Variants in DNAH6 observed in about 807,000 individuals in gnomAD.
The protein encoded by DNAH6 is axonemal beta dynein heavy chain 6.
Under a neutral mutation model 491.4 loss-of-function variants are expected in DNAH6, and 340 were observed. The ratio of observed to expected loss-of-function variants is 0.69; its 90% confidence interval spans 0.63 to 0.76. The LOEUF (loss-of-function observed/expected upper bound fraction) is 0.76. Among genes scored for constraint, DNAH6 ranks in the 30% least tolerant of loss-of-function variants. DNAH6 has a pLI of 0.00. For missense variants in DNAH6, 4,443 were observed against 4,972.2 expected, an observed-to-expected ratio of 0.89 and a Z score of 3.20; for synonymous variants, 1,603 against 1,686.1, an observed-to-expected ratio of 0.95 and a Z score of 1.21.
upstream of DNAH6, among the ~76,000 whole-genome samples, chr2:84,513,162 T>G (rs1343259118): frequency 6.6e-6 from 1 of 152,182 alleles, no homozygotes; most frequent in Non-Finnish European, 1.5e-5. Flanking sequence ...AATTAACATC[T>G]TAATTTATAA....
At position 84,547,422 on chromosome 2, in the gene DNAH6, A is replaced by G. The variant is rs2104538742; in HGVS notation, c.1065+20A>G. 2.6e-6 allele frequency: 4 copies of G among 1,551,560 alleles called. No homozygotes were observed. Among genetic ancestry groups the G allele is most frequent in the Non-Finnish European group, 3.5e-6 (4 of 1,146,888 alleles). On this transcript the variant is annotated intron_variant, in intron 6 of 76. Coordinates refer to ENST00000389394, the MANE Select transcript of DNAH6 (RefSeq NM_001370.2). ...GCAGAGGTAACAAATTTTGTCTATAAGAATCAAAGCTTTTTTCCCTATTTT... is the reference window on the plus strand; with the variant it reads ...GCAGAGGTAACAAATTTTGTCTATAGGAATCAAAGCTTTTTTCCCTATTTT...
chr2:84,492,619 G>A, the DNAH6 span, among the ~76,000 whole-genome samples: 1 of 151,746 alleles, frequency 6.6e-6, no homozygotes, highest in Admixed American at 6.6e-5. Context: ...AATTCTTTTA[G>A]TGGGGTTTTA....
At chr2:84,680,774 G>T (rs750601674) in intron 41 of DNAH6, among the ~76,000 whole-genome samples, 2 of 151,992 alleles carry the variant, frequency 1.3e-5, no homozygotes, top group Non-Finnish European at 2.9e-5. Context: ...GGTGATGTCC[G>T]GGGAAACAGA....
At chr2:84,590,238 G>A (rs1413898262) in intron 16 of DNAH6, among the ~76,000 whole-genome samples, 3 of 152,034 alleles carry the variant, frequency 2.0e-5, no homozygotes, top group African/African-American at 7.2e-5. Flanking sequence ...GCTCACACCT[G>A]TACTCCCAGC....
At chr2:84,752,384 A>G (rs977072409) in intron 63 of DNAH6, among the ~76,000 whole-genome samples, 1 of 152,216 alleles carries the variant, frequency 6.6e-6, no homozygotes, top group African/African-American at 2.4e-5. Flanking sequence ...GAGTTACTTG[A>G]AAATGTTAAA....
chr2:84,541,500 A>G (rs1678237791), intron 4 of DNAH6, among the ~76,000 whole-genome samples: 1 of 152,224 alleles, frequency 6.6e-6, no homozygotes, highest in Non-Finnish European at 1.5e-5. Context: ...GACACACACC[A>G]TTATAAAGGA....
intron 29 of DNAH6, among the ~76,000 whole-genome samples, chr2:84,625,677 A>G (rs1687794873): frequency 6.6e-6 from 1 of 152,194 alleles, no homozygotes. Flanking sequence ...ATGTTTTTGT[A>G]AAACAAAACT....
At chr2:84,584,448 G>A in intron 15 of DNAH6, 198 bp downstream of exon 15, 2 of 578,324 alleles carry the variant, frequency 3.5e-6, no homozygotes, top group Non-Finnish European at 5.9e-6. Flanking sequence ...ATTTTTTGTG[G>A]TGAGAATAAT....
intron 15 of DNAH6, among the ~76,000 whole-genome samples, chr2:84,587,825 C>T (rs1683719025): frequency 6.6e-6 from 1 of 152,166 alleles, no homozygotes; most frequent in South Asian, 2.1e-4. Context: ...AGGGGCAGGT[C>T]ATCTGTTCTT....
chr2:84,555,854 A>C (rs931067805), intron 10 of DNAH6, among the ~76,000 whole-genome samples: 1 of 152,070 alleles, frequency 6.6e-6, no homozygotes, highest in Non-Finnish European at 1.5e-5. Flanking sequence ...AGATCAGATC[A>C]TCAGCTCTTG....
chr2:84,815,746 A>G, intron 75 of DNAH6, 115 bp from the exon 76 acceptor site: 1 of 728,960 alleles, frequency 1.4e-6, no homozygotes, highest in Non-Finnish European at 2.2e-6. Context: ...TAATAACAGC[A>G]ATGTATAGAG....
At chr2:84,702,698 A>G (rs1437590428) in intron 49 of DNAH6, among the ~76,000 whole-genome samples, 1 of 151,752 alleles carries the variant, frequency 6.6e-6, no homozygotes, top group African/African-American at 2.4e-5. Flanking sequence ...AACCGCCACC[A>G]CGCCCGACTA....
chr2:84,719,256 T>G (rs1488435994), intron 59 of DNAH6, among the ~76,000 whole-genome samples: 1 of 152,210 alleles, frequency 6.6e-6, no homozygotes, highest in East Asian at 1.9e-4. Flanking sequence ...TTTAGCTTGT[T>G]TGTTCATAGA....
intron 68 of DNAH6, among the ~76,000 whole-genome samples, chr2:84,787,517 CAAT>C (rs1553499611): frequency 6.6e-6 from 1 of 151,888 alleles, no homozygotes. Context: ...GCTGCTTTCT[CAAT>C]AATAATAATA....
At chr2:84,476,057 A>T in the DNAH6 span, among the ~76,000 whole-genome samples, 13 of 152,312 alleles carry the variant, frequency 8.5e-5, no homozygotes, top group African/African-American at 3.1e-4. Context: ...TCAGCCCACC[A>T]GGTTTTAAAC....
intron 8 of DNAH6, among the ~76,000 whole-genome samples, 164 bp from the exon 9 acceptor site, chr2:84,549,725 C>T (rs1679135716): frequency 6.6e-6 from 1 of 152,132 alleles, no homozygotes; most frequent in Non-Finnish European, 1.5e-5. Flanking sequence ...TATCTAAGGA[C>T]AACTCTTCTG....
At chr2:84,474,311 A>G in the DNAH6 span, among the ~76,000 whole-genome samples, 16 of 152,164 alleles carry the variant, frequency 1.1e-4, no homozygotes, top group Admixed American at 9.8e-4. Context: ...ACCCTTTTGC[A>G]ATTGTTTCTG....
intron 18 of DNAH6, among the ~76,000 whole-genome samples, chr2:84,602,672 A>G (rs1254429355): frequency 6.7e-6 from 1 of 148,876 alleles, no homozygotes; most frequent in South Asian, 2.1e-4. Context: ...AATTTTGAAA[A>G]TTTTTGCAGC....
chr2:84,710,518 C>T, intron 56 of DNAH6, 106 bp downstream of exon 56: 5 of 1,154,940 alleles, frequency 4.3e-6, no homozygotes, highest in African/African-American at 1.6e-5. Flanking sequence ...CAGTCAACTC[C>T]ATTTTCAAAT....
Sources: gnomAD v4.1 joint callset for allele counts (sites outside exome capture counted in the v4.1 genomes callset) on GRCh38, gnomAD v4.1.1 for gene constraint, MANE v1.5 for transcripts, NCBI Gene and HGNC (gene_info 2026-07-23, HGNC 2026-07-21) for gene names.